DTNB: variants seen among roughly 807,000 people sequenced by gnomAD.
DTNB encodes the protein dystrobrevin beta.
DTNB carries 63 observed loss-of-function variants against 90.7 expected under a neutral mutation model. That is an observed-to-expected ratio of 0.69 (90% confidence interval 0.57 to 0.86). The LOEUF is 0.86. DTNB is among the 40% of genes least tolerant of loss of function. The pLI is 0.00. For synonymous variants in DTNB, 277 were observed against 286.7 expected (o/e 0.97, Z 0.34); for missense variants, 744 against 807.1 (o/e 0.92, Z 0.95).
At chr2:25,437,387 G>C (rs1302694675) in intron 12 of DTNB, among the ~76,000 whole-genome samples, 5 of 151,804 alleles carry the variant, frequency 3.3e-5, no homozygotes, top group Non-Finnish European at 7.4e-5. Context: ...TCAGCCTCCT[G>C]AGTAGCTGGG....
At chr2:25,442,099 C>T (rs979425784) in intron 12 of DTNB, among the ~76,000 whole-genome samples, 1 of 152,144 alleles carries the variant, frequency 6.6e-6, no homozygotes, top group African/African-American at 2.4e-5. Flanking sequence ...AAAGTGTCAA[C>T]AACATCTAGT....
At chr2:25,564,547 AT>A (rs58031038) in intron 8 of DTNB, among the ~76,000 whole-genome samples, 43,990 of 146,830 alleles carry the variant, frequency 0.3, 7,366 homozygotes, top group East Asian at 0.51. Flanking sequence ...CACCTGGCTA[AT>A]TTTTTTTTTT....
At chr2:25,395,693 T>C (rs2042199545) in intron 16 of DTNB, among the ~76,000 whole-genome samples, 1 of 152,052 alleles carries the variant, frequency 6.6e-6, no homozygotes, top group Non-Finnish European at 1.5e-5. Flanking sequence ...GAATAAATCA[T>C]TGCAACTGAT....
chr2:25,495,307 C>T (rs1406540883), intron 9 of DTNB, among the ~76,000 whole-genome samples: 1 of 152,214 alleles, frequency 6.6e-6, no homozygotes, highest in East Asian at 1.9e-4. Flanking sequence ...CTCAAGTGAT[C>T]CATCTGCTTT....
chr2:25,532,245 CAAAAAAAAA>C (rs11352371), intron 8 of DTNB, among the ~76,000 whole-genome samples: 1 of 74,304 alleles, frequency 1.3e-5, no homozygotes, highest in Admixed American at 1.4e-4. Context: ...AACTCTGTCT[CAAAAAAAAA>C]AAAAAAAAAA....
intron 16 of DTNB, chr2:25,388,712 C>CTTTCA (rs999068062): frequency 4.1e-6 from 1 of 243,728 alleles, no homozygotes; most frequent in Admixed American, 5.1e-5. Flanking sequence ...ATGCAAACAG[C>CTTTCA]TTTCATTTTG....
chr2:25,433,349 A>G (rs919198664), intron 13 of DTNB, among the ~76,000 whole-genome samples: 12 of 152,090 alleles, frequency 7.9e-5, no homozygotes, highest in African/African-American at 2.9e-4. Flanking sequence ...TCCTGTGCTG[A>G]CTTCCCTTAA....
intron 6 of DTNB, among the ~76,000 whole-genome samples, chr2:25,590,386 T>C (rs970936877): frequency 1.3e-5 from 2 of 152,234 alleles, no homozygotes; most frequent in Non-Finnish European, 2.9e-5. Context: ...AGGAACTTTA[T>C]TGAGCAATAG....
chr2:25,629,855 CTTCAAG>C (rs774982497), intron 3 of DTNB, among the ~76,000 whole-genome samples: 2 of 152,162 alleles, frequency 1.3e-5, no homozygotes, highest in Non-Finnish European at 2.9e-5. Flanking sequence ...GAACAAGACA[CTTCAAG>C]TACAGGCAGC....
chr2:25,631,437 G>C (rs764965417), intron 3 of DTNB, among the ~76,000 whole-genome samples: 5 of 151,870 alleles, frequency 3.3e-5, no homozygotes, highest in African/African-American at 1.2e-4. Context: ...GCTAGGCATA[G>C]TGACACATCC....
At chr2:25,671,666 G>A (rs567443075) in intron 1 of DTNB, among the ~76,000 whole-genome samples, 39 of 152,208 alleles carry the variant, frequency 2.6e-4, no homozygotes, top group Non-Finnish European at 4.1e-4. Context: ...TTTGTCTCTC[G>A]GGCATAGTGG....
chr2:25,591,171 G>C (rs929955217), intron 6 of DTNB, among the ~76,000 whole-genome samples: 1 of 152,212 alleles, frequency 6.6e-6, no homozygotes, highest in South Asian at 2.1e-4. Flanking sequence ...CAGGCAGCGG[G>C]AGCAGACACC....
At chr2:25,388,648 T>G (rs1467733557) in intron 16 of DTNB, 1 of 349,950 alleles carries the variant, frequency 2.9e-6, no homozygotes, top group Non-Finnish European at 5.2e-6. Flanking sequence ...CAGAGTGAGC[T>G]GCGTGACTGG....
chr2:25,433,577 G>A (rs563300719), intron 13 of DTNB, among the ~76,000 whole-genome samples: 19 of 151,928 alleles, frequency 1.3e-4, no homozygotes, highest in Admixed American at 3.9e-4. Flanking sequence ...TAATGGGTCA[G>A]GACAAGATGA....
chr2:25,648,353 G>T (rs943428504), intron 2 of DTNB, among the ~76,000 whole-genome samples: 12 of 152,044 alleles, frequency 7.9e-5, no homozygotes, highest in African/African-American at 2.7e-4. Context: ...ATTAAGCAAA[G>T]AAAGAATAAG....
At chr2:25,600,747 C>T (rs778411850) in intron 5 of DTNB, among the ~76,000 whole-genome samples, 7 of 152,148 alleles carry the variant, frequency 4.6e-5, no homozygotes, top group Non-Finnish European at 8.8e-5. Flanking sequence ...CCCACACCAA[C>T]GAATCTATAC....
intron 8 of DTNB, among the ~76,000 whole-genome samples, chr2:25,560,612 T>C (rs1182100472): frequency 6.6e-6 from 1 of 151,960 alleles, no homozygotes; most frequent in Non-Finnish European, 1.5e-5. Flanking sequence ...ATTGGACCTA[T>C]ATCATCAGTT....
chr2:25,575,458 G>A (rs1262184570), intron 8 of DTNB, among the ~76,000 whole-genome samples: 1 of 151,396 alleles, frequency 6.6e-6, no homozygotes, highest in East Asian at 1.9e-4. Flanking sequence ...AACACAACAA[G>A]ACCCAGGATA....
intron 1 of DTNB, among the ~76,000 whole-genome samples, chr2:25,668,427 T>G (rs2085019553): frequency 6.6e-6 from 1 of 152,246 alleles, no homozygotes; most frequent in Non-Finnish European, 1.5e-5. Context: ...TTATTCTGTC[T>G]GTACTGTTGA....
Sources: allele counts gnomAD v4.1 joint callset (sites outside exome capture counted in the v4.1 genomes callset), GRCh38; gene constraint gnomAD v4.1.1; transcripts MANE v1.5; gene names NCBI Gene and HGNC (gene_info 2026-07-23, HGNC 2026-07-21).